The following MYO3B variants were observed in gnomAD, a reference collection of about 807,000 sequenced individuals.
MYO3B encodes the protein myosin IIIB, also known as myosin-IIIb.
Under a neutral mutation model 174.6 loss-of-function variants are expected in MYO3B, and 156 were observed. That is an observed-to-expected ratio of 0.89 (90% CI 0.78 to 1.02). MYO3B has a LOEUF of 1.02. MYO3B is among the 50% of genes least tolerant of loss of function. The pLI, the probability that MYO3B is intolerant of heterozygous loss-of-function variation, is 0.00. For missense variants in MYO3B, 1,632 were observed against 1,639.4 expected (o/e 1.00, Z 0.08); for synonymous variants, 563 against 569.1 (o/e 0.99, Z 0.15).
At chr2:170,525,360 A>C (rs186781428) in intron 30 of MYO3B, among the ~76,000 whole-genome samples, 2 of 152,222 alleles carry the variant, frequency 1.3e-5, no homozygotes, top group South Asian at 4.1e-4. Flanking sequence ...TGTTCCCATG[A>C]TGGTAATCCC....
intron 9 of MYO3B, among the ~76,000 whole-genome samples, chr2:170,380,938 A>G (rs979405533): frequency 1.3e-5 from 2 of 152,206 alleles, no homozygotes; most frequent in Non-Finnish European, 2.9e-5. Flanking sequence ...CAACAAAGCA[A>G]AACTCCATCT....
chr2:170,292,753 A>G (rs1235251514), intron 7 of MYO3B, among the ~76,000 whole-genome samples: 2 of 152,098 alleles, frequency 1.3e-5, no homozygotes, highest in Non-Finnish European at 1.5e-5. Context: ...AGACCTCTGA[A>G]TTGTACCTTC....
At chr2:170,183,424 G>A (rs978146741) in intron 1 of MYO3B, among the ~76,000 whole-genome samples, 3 of 151,978 alleles carry the variant, frequency 2.0e-5, no homozygotes, top group South Asian at 2.1e-4. Context: ...CTCTGTTCTC[G>A]TTAGGTTTAG....
At chr2:170,259,428 A>G (rs377116690) in intron 7 of MYO3B, among the ~76,000 whole-genome samples, 1 of 152,058 alleles carries the variant, frequency 6.6e-6, no homozygotes, top group Admixed American at 6.6e-5. Flanking sequence ...TCTAATCTTC[A>G]ACAAAGTCAA....
rs139201527 is a variant in MYO3B, at chr2:170,484,749, A to G, written c.3015-13843A>G. Among the ~76,000 whole-genome samples the G allele has an allele frequency of 9.8e-4, 150 of 152,310 alleles. No homozygotes were observed. In the Middle Eastern group the frequency reaches 0.014, roughly 14 times the overall value. On this transcript the variant is annotated intron_variant, in intron 25 of 34. Coordinates refer to ENST00000408978, the MANE Select transcript of MYO3B (RefSeq NM_138995.5). The stretch of plus-strand genomic sequence containing the variant: ...AATATATGGCTTTTTTTTAGGCAGC[A>G]GATGGTGGCCAGCTGTTCTGTCTCT...
At chr2:170,379,912 AAG>A (rs1484590856) in intron 9 of MYO3B, among the ~76,000 whole-genome samples, 1 of 152,252 alleles carries the variant, frequency 6.6e-6, no homozygotes, top group East Asian at 1.9e-4. Context: ...ATAGGCTAGA[AAG>A]AGAGAAATCC....
At chr2:170,456,397 A>G (rs771111882) in intron 23 of MYO3B, among the ~76,000 whole-genome samples, 6 of 152,210 alleles carry the variant, frequency 3.9e-5, no homozygotes, top group Non-Finnish European at 5.9e-5. Context: ...CTTTAGGCAG[A>G]TAAATGAATT....
At chr2:170,585,926 C>A (rs1046457786) in intron 32 of MYO3B, among the ~76,000 whole-genome samples, 1 of 152,150 alleles carries the variant, frequency 6.6e-6, no homozygotes, top group African/African-American at 2.4e-5. Flanking sequence ...GGCATGGTGG[C>A]GCGTGCCTGT....
At position 170,335,410 on chromosome 2, in the gene MYO3B, C is replaced by A. The variant is rs1339714203; in HGVS notation, c.775C>A (p.Pro259Thr). ...AAATCCTCCACCTACTTTACTTCAT[C>A]CAGAAAAATGGTGTGAAGAATTCAA... ...PRNPPPTLLH[P>T]EKWCEEFNHF... Residue 259 changes from proline to threonine, a missense_variant, in exon 8 of 35, where the codon CCA (proline) becomes ACA (threonine). Physicochemically the swap from Pro to Thr is conservative, Grantham distance 38. Coordinates refer to ENST00000408978, the MANE Select transcript of MYO3B (RefSeq NM_138995.5). 1 of 1,611,526 alleles carries A rather than the reference C, an allele frequency of 6.2e-7. No homozygotes were observed. The highest frequency in any genetic ancestry group is 8.5e-7 in the Non-Finnish European group (1 of 1,178,914).
intron 6 of MYO3B, among the ~76,000 whole-genome samples, chr2:170,221,323 G>C (rs527846718): frequency 2.6e-5 from 4 of 151,988 alleles, no homozygotes; most frequent in Non-Finnish European, 5.9e-5. Flanking sequence ...TTTTATTTTT[G>C]AGGAATTGAA....
At chr2:170,278,514 A>T (rs2093480114) in intron 7 of MYO3B, among the ~76,000 whole-genome samples, 3 of 152,102 alleles carry the variant, frequency 2.0e-5, no homozygotes, top group Admixed American at 2.0e-4. Flanking sequence ...GCATATATTG[A>T]TGTTCATGTG....
At chr2:170,538,761 G>A (rs1006494979) in intron 30 of MYO3B, among the ~76,000 whole-genome samples, 1 of 152,180 alleles carries the variant, frequency 6.6e-6, no homozygotes, top group Non-Finnish European at 1.5e-5. Flanking sequence ...TCGAGCCCTG[G>A]AGGCAATCTG....
At chr2:170,405,451 C>T (rs1276833572) in intron 20 of MYO3B, 94 bp from the exon 21 acceptor site, 6 of 1,141,186 alleles carry the variant, frequency 5.3e-6, no homozygotes, top group East Asian at 2.5e-5. Flanking sequence ...TCTGAAAGCC[C>T]TTATTCTGAG....
At position 170,464,442 on chromosome 2, in the gene MYO3B, G is replaced by A. The variant is rs148904875; in HGVS notation, c.2808+997G>A. 9.6e-3 allele frequency among the ~76,000 whole-genome samples: 1,467 copies of A among 152,164 alleles called. 24 individuals are homozygous for A. Among genetic ancestry groups the A allele is most frequent in the African/African-American group, 0.031 (1,288 of 41,500 alleles). ...GTAAGATAGGGTTGGCACAAGAAAG[G>A]GCTTGGCAGGGATGAGAGGTCAGGT... On this transcript the variant is annotated intron_variant, in intron 24 of 34. Transcript: ENST00000408978.
chr2:170,445,570 A>G (rs2105916194), intron 23 of MYO3B, among the ~76,000 whole-genome samples: 1 of 151,582 alleles, frequency 6.6e-6, no homozygotes, highest in Admixed American at 6.6e-5. Flanking sequence ...CCAACTCCCG[A>G]CCTCAGGTGA....
At chr2:170,191,840 G>A (rs1424478478) in intron 1 of MYO3B, among the ~76,000 whole-genome samples, 1 of 152,152 alleles carries the variant, frequency 6.6e-6, no homozygotes, top group African/African-American at 2.4e-5. Context: ...GCTTTTTTGT[G>A]TGGATAGTTT....
intron 19 of MYO3B, among the ~76,000 whole-genome samples, chr2:170,403,302 G>A (rs985844144): frequency 6.6e-6 from 1 of 152,054 alleles, no homozygotes; most frequent in Admixed American, 6.5e-5. Flanking sequence ...AAATATTTAT[G>A]ATTGCGTTCA....
intron 7 of MYO3B, among the ~76,000 whole-genome samples, chr2:170,298,680 A>G (rs1166511512): frequency 2.1e-5 from 3 of 145,456 alleles, no homozygotes; most frequent in Non-Finnish European, 3.0e-5. Context: ...CTCTGTCTCA[A>G]AAAAAAAAAA....
At chr2:170,499,921 C>CCCTCCCTCCCTCCCTTCCTT in intron 27 of MYO3B, 113 bp downstream of exon 27, 1 of 720,008 alleles carries the variant, frequency 1.4e-6, no homozygotes, top group South Asian at 2.2e-5. Flanking sequence ...CTTCCTTCTC[C>CCCTCCCTCCCTCCCTTCCTT]CCTCCCTCCC....
Sources: allele counts gnomAD v4.1 joint callset (sites outside exome capture counted in the v4.1 genomes callset), GRCh38; gene constraint gnomAD v4.1.1; transcripts MANE v1.5; gene names NCBI Gene and HGNC (gene_info 2026-07-23, HGNC 2026-07-21).